FSHR: variants seen among roughly 807,000 people sequenced by gnomAD.
FSHR encodes the protein follicle-stimulating hormone receptor.
In FSHR, 46 loss-of-function variants were observed where a neutral mutation model predicts 52.1. The observed-to-expected ratio is 0.88, with a 90% CI of 0.70 to 1.13. The LOEUF (loss-of-function observed/expected upper bound fraction) is 1.13. Ranked by LOEUF, FSHR falls within the 50% of genes most tolerant of loss-of-function variation. The pLI, the probability that FSHR is intolerant of heterozygous loss-of-function variation, is 0.00. For missense variants in FSHR, 964 were observed against 834.6 expected (o/e 1.16, Z -1.91); for synonymous variants, 399 against 309.6 (o/e 1.29, Z -3.03).
In FSHR at chr2:49,089,179, A is replaced by G. The variant is rs111502752; in HGVS notation, c.153-20889T>C. Among the ~76,000 whole-genome samples, 1,389 of 152,000 alleles carry G rather than the reference A, an allele frequency of 9.1e-3. 23 individuals carry two copies. Among genetic ancestry groups the G allele is most frequent in the Middle Eastern group, 0.034 (10 of 294 alleles). On this transcript the variant is annotated intron_variant, in intron 1 of 9. Coordinates refer to ENST00000406846, the MANE Select transcript of FSHR (RefSeq NM_000145.4). ...TAATCTTCGTGGTGATAACCGGATT[A>G]TATCTACACCTATTCCTTAAGAACA...
intron 4 of FSHR, among the ~76,000 whole-genome samples, chr2:48,999,131 GA>G (rs961083665): frequency 3.3e-5 from 5 of 152,032 alleles, no homozygotes; most frequent in African/African-American, 4.8e-5. Context: ...CTGCCAGGTG[GA>G]AATGGTAATA....
chr2:49,112,154 A>C (rs973670817), intron 1 of FSHR, among the ~76,000 whole-genome samples: 2 of 152,180 alleles, frequency 1.3e-5, no homozygotes, highest in South Asian at 4.1e-4. Context: ...AACTCAGCAA[A>C]GAGAAAAATC....
At chr2:49,020,250 G>A in intron 2 of FSHR, 90 bp from the exon 3 acceptor site, 1 of 1,099,310 alleles carries the variant, frequency 9.1e-7, no homozygotes, top group Non-Finnish European at 1.4e-6. Context: ...TGTCTGGGAG[G>A]ATTCACAAGA....
intron 2 of FSHR, among the ~76,000 whole-genome samples, chr2:49,028,762 G>A (rs1377564351): frequency 6.6e-6 from 1 of 152,152 alleles, no homozygotes; most frequent in African/African-American, 2.4e-5. Context: ...TTTAGCTGTT[G>A]GTTGGAGGTG....
At chr2:49,006,704 T>C (rs113951620) in intron 4 of FSHR, among the ~76,000 whole-genome samples, 3,453 of 152,190 alleles carry the variant, frequency 0.023, 130 homozygotes, top group African/African-American at 0.078. Flanking sequence ...GCCACACAGC[T>C]CTACAGAGGT....
chr2:49,007,717 A>G (rs1200488123), intron 4 of FSHR, among the ~76,000 whole-genome samples: 1 of 152,136 alleles, frequency 6.6e-6, no homozygotes, highest in East Asian at 1.9e-4. Flanking sequence ...GAATAACGGA[A>G]AGGAAAAGAG....
intron 1 of FSHR, among the ~76,000 whole-genome samples, chr2:49,151,585 T>C (rs1443287761): frequency 3.9e-5 from 6 of 152,098 alleles, no homozygotes; most frequent in Admixed American, 3.9e-4. Flanking sequence ...AAAATGTACA[T>C]AGTAAAATGT....
intron 1 of FSHR, among the ~76,000 whole-genome samples, chr2:49,083,566 C>G (rs1310502342): frequency 1.4e-5 from 2 of 147,016 alleles, no homozygotes; most frequent in East Asian, 4.1e-4. Flanking sequence ...GATAAAGAGT[C>G]AAGACCCATC....
chr2:49,024,366 G>T (rs140778070), intron 2 of FSHR, among the ~76,000 whole-genome samples: 84 of 152,250 alleles, frequency 5.5e-4, no homozygotes, highest in Middle Eastern at 3.4e-3. Flanking sequence ...CCTGAGGTCA[G>T]GAGTTTGAGA....
intron 2 of FSHR, among the ~76,000 whole-genome samples, chr2:49,023,254 G>A (rs759882307): frequency 6.6e-5 from 10 of 151,984 alleles, no homozygotes; most frequent in South Asian, 2.1e-4. Flanking sequence ...ATGTTTTGTC[G>A]TTGCTTTTTT....
At position 49,023,445 on chromosome 2, in the gene FSHR, T is replaced by C. The variant is rs1391617058; in HGVS notation, c.225-3285A>G. Among the ~76,000 whole-genome samples the C allele has an allele frequency of 2.0e-5, 3 of 152,326 alleles. No individual in the cohort carries two copies. The East Asian group carries it at 5.8e-4, about 29-fold the overall frequency. ...ACTGAAGGAGATGAAGTTTGTGGCA[T>C]TCTTTCACCCCCTTTTCTGCAGGCA... On this transcript the variant is annotated intron_variant, in intron 2 of 9. Transcript: ENST00000406846.
At chr2:48,997,101 G>T (rs1676057605) in intron 4 of FSHR, 1 of 331,838 alleles carries the variant, frequency 3.0e-6, no homozygotes, top group Non-Finnish European at 4.3e-6. Context: ...TATGAAAAAG[G>T]TCTTCAACTT....
intron 1 of FSHR, among the ~76,000 whole-genome samples, chr2:49,073,387 CA>C (rs1225019130): frequency 1.3e-5 from 2 of 151,996 alleles, no homozygotes; most frequent in Non-Finnish European, 2.9e-5. Context: ...TATACAAAAT[CA>C]GTAGCATTTC....
intron 1 of FSHR, among the ~76,000 whole-genome samples, chr2:49,118,139 G>C (rs1399257517): frequency 1.3e-5 from 2 of 152,044 alleles, no homozygotes; most frequent in Non-Finnish European, 2.9e-5. Context: ...AAGCTAAAAA[G>C]GTATCTATCC....
At chr2:49,039,956 T>A (rs1668423379) in intron 2 of FSHR, among the ~76,000 whole-genome samples, 1 of 152,104 alleles carries the variant, frequency 6.6e-6, no homozygotes, top group South Asian at 2.1e-4. Context: ...CATGTATTAC[T>A]TTCATAATCA....
intron 1 of FSHR, among the ~76,000 whole-genome samples, chr2:49,129,363 C>T (rs1192290149): frequency 3.3e-5 from 5 of 152,312 alleles, no homozygotes; most frequent in East Asian, 1.9e-4. Flanking sequence ...AACCCATCCA[C>T]AGGATGACTT....
rs778629351 is a variant in FSHR, at chr2:48,963,239, G to T, written c.1582C>A (p.Gln528Lys). 1.2e-6 allele frequency: 2 copies of T among 1,614,180 alleles called. No individual in the cohort carries two copies. Among genetic ancestry groups the T allele is most frequent in the Admixed American group, 1.7e-5 (1 of 60,020 alleles). ...ACAAGGAGGGACATGACATACAGCT[G>T]TGACAAAGGGCTGTCAATATCCATG... Reference protein sequence around the residue: ...LPMDIDSPLSQLYVMSLLVLN... With the variant: ...LPMDIDSPLSKLYVMSLLVLN... Residue 528 changes from glutamine to lysine, a missense_variant, in exon 10 of 10, where the codon CAG (glutamine) becomes AAG (lysine). Coordinates refer to ENST00000406846, the MANE Select transcript of FSHR (RefSeq NM_000145.4).
At chr2:49,063,537 A>G (rs1249873375) in intron 2 of FSHR, among the ~76,000 whole-genome samples, 1 of 152,142 alleles carries the variant, frequency 6.6e-6, no homozygotes, top group East Asian at 1.9e-4. Flanking sequence ...ATAATCTTGG[A>G]GGATATTATG....
At chr2:48,974,909 G>A (rs927703334) in intron 8 of FSHR, among the ~76,000 whole-genome samples, 2 of 151,938 alleles carry the variant, frequency 1.3e-5, no homozygotes, top group African/African-American at 4.8e-5. Flanking sequence ...TCTTCTGCAT[G>A]GCCTAAAAAT....
Sources: gnomAD v4.1 joint callset for allele counts (sites outside exome capture counted in the v4.1 genomes callset) on GRCh38, gnomAD v4.1.1 for gene constraint, MANE v1.5 for transcripts, NCBI Gene and HGNC (gene_info 2026-07-23, HGNC 2026-07-21) for gene names.